Variants in EMSY observed in about 807,000 individuals in gnomAD.
The protein encoded by EMSY is BRCA2-interacting transcriptional repressor EMSY.
Under a neutral mutation model 134.6 loss-of-function variants are expected in EMSY, and 26 were observed. That is an observed-to-expected ratio of 0.19 (90% confidence interval 0.14 to 0.27). EMSY has a LOEUF of 0.27. Among genes scored for constraint, EMSY ranks in the 10% least tolerant of loss-of-function variants. EMSY has a pLI of 1.00. For synonymous variants in EMSY, 579 were observed against 577.8 expected, an observed-to-expected ratio of 1.00 and a Z score of -0.03; for missense variants, 1,305 against 1,611.4, an observed-to-expected ratio of 0.81 and a Z score of 3.26.
chr11:76,546,235 A>G (rs1951646398), exon 20 of EMSY: 1 of 1,614,134 alleles, frequency 6.2e-7, no homozygotes, highest in African/African-American at 1.3e-5. Flanking sequence ...AGGCCAGTTC[A>G]TGCGTATTCA....
Position 76,531,560 on chromosome 11 carries a change from A to C in EMSY, c.2194+3094A>C, listed in dbSNP as rs185913982. ...GTTTTATCAGGAGAAACATGATGTC[A>C]GTTTGTCCCAGCATAGATGATGTTA... is the stretch of plus-strand genomic sequence containing the variant. On this transcript the variant is annotated intron_variant, in intron 14 of 20. Coordinates refer to ENST00000334736, the Ensembl canonical transcript of EMSY. Among the ~76,000 whole-genome samples, 521 of 152,294 alleles carry C rather than the reference A, an allele frequency of 3.4e-3. 3 individuals are homozygous for C. Among genetic ancestry groups the C allele is most frequent in the Admixed American group, 0.012 (182 of 15,292 alleles).
At chr11:76,502,521 T>TTA (rs1949912394) in intron 9 of EMSY, among the ~76,000 whole-genome samples, 1 of 147,612 alleles carries the variant, frequency 6.8e-6, no homozygotes, top group Admixed American at 6.7e-5. Context: ...ACATGATCCT[T>TTA]TATATTATTA....
chr11:76,519,811 C>T (rs761733686), intron 11 of EMSY, among the ~76,000 whole-genome samples: 3 of 152,042 alleles, frequency 2.0e-5, no homozygotes, highest in African/African-American at 7.2e-5. Flanking sequence ...TATCATAGTT[C>T]ATTATTATCT....
At chr11:76,538,907 G>C (rs896450215) in intron 16 of EMSY, among the ~76,000 whole-genome samples, 2 of 152,140 alleles carry the variant, frequency 1.3e-5, no homozygotes, top group Non-Finnish European at 1.5e-5. Context: ...GCAGTGAGCT[G>C]AGACTATGCC....
At chr11:76,522,626 A>G (rs1376899247) in intron 11 of EMSY, among the ~76,000 whole-genome samples, 2 of 152,030 alleles carry the variant, frequency 1.3e-5, no homozygotes, top group Non-Finnish European at 2.9e-5. Context: ...CTCTCAAAAT[A>G]CTGGGATTAT....
chr11:76,546,962 C>T (rs1370690126), intron 20 of EMSY: 1 of 399,766 alleles, frequency 2.5e-6, no homozygotes, highest in Non-Finnish European at 4.9e-6. Context: ...TAGAATTATT[C>T]ATTGATAATA....
At chr11:76,450,611 C>T (rs1947621758) in intron 2 of EMSY, among the ~76,000 whole-genome samples, 1 of 151,934 alleles carries the variant, frequency 6.6e-6, no homozygotes, top group South Asian at 2.1e-4. Context: ...CCTACCTCAG[C>T]CTCCTGAGTA....
chr11:76,537,164 T>C (rs932009892), intron 15 of EMSY, among the ~76,000 whole-genome samples: 1 of 152,234 alleles, frequency 6.6e-6, no homozygotes, highest in African/African-American at 2.4e-5. Flanking sequence ...GCATAGATTT[T>C]GTAGAAAAGT....
At chr11:76,539,160 C>T (rs1231540100) in intron 16 of EMSY, among the ~76,000 whole-genome samples, 1 of 152,130 alleles carries the variant, frequency 6.6e-6, no homozygotes, top group Non-Finnish European at 1.5e-5. Context: ...ATACTGCTTT[C>T]TCTTTTGAAC....
intron 9 of EMSY, among the ~76,000 whole-genome samples, chr11:76,505,812 A>G (rs1950053444): frequency 6.6e-6 from 1 of 151,620 alleles, no homozygotes. Flanking sequence ...AACCAAGATC[A>G]CGCCCCTGCA....
intron 8 of EMSY, among the ~76,000 whole-genome samples, chr11:76,473,359 T>A (rs1446078728): frequency 1.3e-5 from 2 of 151,654 alleles, no homozygotes; most frequent in African/African-American, 4.8e-5. Flanking sequence ...CAGGCTGGAG[T>A]GCAGTGGAGC....
chr11:76,529,354 TAC>T (rs2136391184), intron 14 of EMSY, among the ~76,000 whole-genome samples: 1 of 152,310 alleles, frequency 6.6e-6, no homozygotes, highest in African/African-American at 2.4e-5. Context: ...ACTTTTCTTA[TAC>T]ACAGTCTCCA....
At chr11:76,495,387 C>T (rs1190173710) in intron 8 of EMSY, among the ~76,000 whole-genome samples, 1 of 152,146 alleles carries the variant, frequency 6.6e-6, no homozygotes, top group African/African-American at 2.4e-5. Context: ...CAGGTTCTCT[C>T]AGTTAGGAAT....
chr11:76,513,831 C>T (rs1043025125), intron 10 of EMSY, among the ~76,000 whole-genome samples: 1 of 152,040 alleles, frequency 6.6e-6, no homozygotes, highest in African/African-American at 2.4e-5. Flanking sequence ...GCTCTGTGAG[C>T]GTAAGGGACC....
intron 10 of EMSY, among the ~76,000 whole-genome samples, chr11:76,514,271 A>G (rs1293436662): frequency 6.6e-6 from 1 of 152,202 alleles, no homozygotes; most frequent in African/African-American, 2.4e-5. Context: ...ATAGTGCTCA[A>G]TAGTTGTCAC....
intron 8 of EMSY, 108 bp downstream of exon 9, chr11:76,472,948 G>A: frequency 8.3e-7 from 1 of 1,207,638 alleles, no homozygotes; most frequent in African/African-American, 1.5e-5. Flanking sequence ...CCTACTATTA[G>A]ACCCAAGATC....
intron 8 of EMSY, among the ~76,000 whole-genome samples, chr11:76,488,435 C>G (rs924624875): frequency 1.3e-4 from 20 of 152,036 alleles, no homozygotes; most frequent in African/African-American, 4.8e-4. Flanking sequence ...CCACTGCACT[C>G]TAGCCTGGGC....
At chr11:76,514,025 T>C (rs80102340) in intron 10 of EMSY, among the ~76,000 whole-genome samples, 36 of 152,246 alleles carry the variant, frequency 2.4e-4, no homozygotes, top group Non-Finnish European at 2.9e-4. Context: ...AGAATGGTAT[T>C]GTGCCCTGAT....
rs150341853 is a variant in EMSY, at chr11:76,544,301, C to A, written c.2752C>A (p.Leu918Ile). Residue 918 changes from leucine to isoleucine, a missense_variant, in exon 19 of 21, where the codon CTT (leucine) becomes ATT (isoleucine). Coordinates refer to ENST00000334736, the Ensembl canonical transcript of EMSY. ...TGCTTTTACCAAACACAGCGAGGAA[C>A]TTGGAACTGAGGAGGGCGAGGTTGA... 9 of 1,614,058 alleles carry A rather than the reference C, an allele frequency of 5.6e-6. No individual in the cohort carries two copies. In the African/African-American group the frequency reaches 1.2e-4, roughly 22 times the overall value.
Sources: allele counts gnomAD v4.1 joint callset (sites outside exome capture counted in the v4.1 genomes callset), GRCh38; gene constraint gnomAD v4.1.1; transcripts MANE v1.5; gene names NCBI Gene and HGNC (gene_info 2026-07-23, HGNC 2026-07-21).